STAG2: variants seen among roughly 807,000 people sequenced by gnomAD.
The protein encoded by STAG2 is STAG2 cohesin complex component.
STAG2 carries 14 observed loss-of-function variants against 108.1 expected under a neutral mutation model. The observed-to-expected ratio is 0.13, with a 90% CI of 0.09 to 0.20. The LOEUF is 0.20. Ranked by LOEUF, STAG2 falls within the 10% of genes least tolerant of loss-of-function variation. The pLI is 1.00. For missense variants in STAG2, 440 were observed against 940.9 expected (o/e 0.47, Z 6.96); for synonymous variants, 307 against 302.7 (o/e 1.01, Z -0.15).
chrX:123,995,021 T>C (rs919294556), intron 1 of STAG2, among the ~76,000 whole-genome samples: 4 of 111,936 alleles, frequency 3.6e-5, no homozygotes, highest in Non-Finnish European at 7.5e-5. Context: ...AAAAAACCTC[T>C]GCAAACTCCT....
intron 1 of STAG2, among the ~76,000 whole-genome samples, chrX:123,986,013 A>G (rs1187397722): frequency 1.9e-5 from 2 of 107,499 alleles, no homozygotes; most frequent in African/African-American, 6.8e-5. Flanking sequence ...AGGAGGAAGA[A>G]GCCTTGAAGA....
At chrX:124,066,756 C>T (rs1178022127) in intron 23 of STAG2, among the ~76,000 whole-genome samples, 1 of 111,575 alleles carries the variant, frequency 9.0e-6, no homozygotes, top group Non-Finnish European at 1.9e-5. Context: ...AAACCAACTC[C>T]CCCTAGATCT....
chrX:123,974,802 C>T (rs2054546667), intron 1 of STAG2, among the ~76,000 whole-genome samples: 1 of 109,667 alleles, frequency 9.1e-6, no homozygotes, highest in African/African-American at 3.3e-5. Context: ...TGGTCTCGAA[C>T]TCCTGATGTA....
At position 124,042,769 on chromosome X, in the gene STAG2, T is replaced by G. The variant is rs189785484; in HGVS notation, c.462+124T>G. 1.5e-3 allele frequency: 766 copies of G among 503,422 alleles called. 4 individuals carry two copies. In the African/African-American group the frequency reaches 0.015, roughly 10 times the overall value. The allele number at this position is 503,422 out of a possible 1,213,427, so 41.5% of individuals were successfully genotyped here. A position where few individuals can be genotyped will look rare whatever the true frequency, so the allele number is the denominator to read the frequency against. ...GGCTCATGCCTGTAATCCCACACTT[T>G]CAGAGGCCGAGGCAGGCGGATCACC... On this transcript the variant is annotated intron_variant, in intron 7 of 34. Coordinates refer to ENST00000371145, the MANE Select transcript of STAG2 (RefSeq NM_001042750.2).
intron 1 of STAG2, among the ~76,000 whole-genome samples, chrX:123,981,028 C>G (rs2054849928): frequency 9.0e-6 from 1 of 111,128 alleles, no homozygotes; most frequent in East Asian, 2.8e-4. Flanking sequence ...TTATAAAAAT[C>G]ACTTCATTTT....
chrX:124,016,557 A>G (rs955544021), intron 1 of STAG2, among the ~76,000 whole-genome samples: 1 of 111,979 alleles, frequency 8.9e-6, no homozygotes, highest in African/African-American at 3.2e-5. Context: ...TGGTTGGATG[A>G]ATTTTTAGTA....
Position 124,075,595 on chromosome X carries a change from G to GT in STAG2, c.2534-730dup, listed in dbSNP as rs375033763. Among the ~76,000 whole-genome samples, 33 of 110,738 alleles carry GT rather than the reference G, an allele frequency of 3.0e-4. 1 individual carries two copies. The highest frequency in any genetic ancestry group is 8.9e-4 in the African/African-American group (27 of 30,491). ...GGCCTGGGATAGTGGTTTTTGTTTT[G>GT]TTTTTTTACAAGTAATTTCATTTGT... is the stretch of plus-strand genomic sequence containing the variant. On this transcript the variant is annotated intron_variant, in intron 25 of 34. Coordinates refer to ENST00000371145, the MANE Select transcript of STAG2 (RefSeq NM_001042750.2).
At chrX:124,011,544 G>A (rs767139664) in intron 1 of STAG2, among the ~76,000 whole-genome samples, 4 of 111,493 alleles carry the variant, frequency 3.6e-5, no homozygotes, top group South Asian at 7.5e-4. Flanking sequence ...TAGAGATAGC[G>A]TCTTAGTCCA....
chrX:124,082,907 T>C (rs1374729632), intron 28 of STAG2, among the ~76,000 whole-genome samples: 3 of 111,502 alleles, frequency 2.7e-5, no homozygotes, highest in Non-Finnish European at 5.7e-5. Flanking sequence ...GATAGAGTTA[T>C]AATGTTGGGT....
At chrX:124,048,395 T>C (rs2057937712) in intron 9 of STAG2, among the ~76,000 whole-genome samples, 1 of 112,042 alleles carries the variant, frequency 8.9e-6, no homozygotes, top group Non-Finnish European at 1.9e-5. Context: ...ATATGCTATA[T>C]AGTAAGTGAT....
rs751877808 is a variant in STAG2, at chrX:124,030,212, T to G, written c.124-749T>G. ...TATTTGATAATGAGTTTGGTTATTC[T>G]TGCTGCCCACTTCAGTCTGCATCCA... On this transcript the variant is annotated intron_variant, in intron 4 of 34. Transcript: ENST00000371145. Among the ~76,000 whole-genome samples, 90 of 112,119 alleles carry G rather than the reference T, an allele frequency of 8.0e-4. No individual in the cohort carries two copies. In the Middle Eastern group the frequency reaches 0.019, roughly 23 times the overall value.
intron 1 of STAG2, among the ~76,000 whole-genome samples, chrX:123,965,267 C>T (rs2054045263): frequency 8.9e-6 from 1 of 111,893 alleles, no homozygotes; most frequent in Non-Finnish European, 1.9e-5. Context: ...ATTGTGGCAT[C>T]AGATTTATTT....
At chrX:123,992,049 G>C (rs561592202) in intron 1 of STAG2, among the ~76,000 whole-genome samples, 1 of 112,367 alleles carries the variant, frequency 8.9e-6, no homozygotes, top group Non-Finnish European at 1.9e-5. Flanking sequence ...GAGGATGTAC[G>C]TAGGTTAGAT....
intron 20 of STAG2, 122 bp from the exon 21 acceptor site, chrX:124,065,754 A>C: frequency 6.7e-6 from 3 of 447,313 alleles, no homozygotes. Flanking sequence ...CTAGGTATTG[A>C]ATGACAAAGT....
rs1443844104 is a variant in STAG2 at position 124,086,737 on chromosome X, C to T, written c.3244C>T (p.Arg1082Trp). Reference protein sequence around the residue: ...SKKSKPSTGKRKVVEGMQLSL... With the variant: ...SKKSKPSTGKWKVVEGMQLSL... ...AAAATCAAAACCATCTACAGGAAAA[C>T]GGAAAGTGGTTGAGGGCATGCAGCT... Residue 1082 changes from arginine (R) to tryptophan (W), a missense_variant, in exon 30 of 35, where the codon CGG (arginine) becomes TGG (tryptophan). Around this residue, in one of 3 missense-constraint regions of STAG2, gnomAD observed 337 missense variants for 649.3 expected, o/e 0.52. Transcript: ENST00000371145. 1.7e-6 allele frequency: 2 copies of T among 1,206,044 alleles called. No homozygotes were observed. Among genetic ancestry groups the T allele is most frequent in the Non-Finnish European group, 1.1e-6 (1 of 894,094 alleles).
chrX:124,019,417 A>C (rs1195539909), intron 1 of STAG2, among the ~76,000 whole-genome samples: 1 of 110,742 alleles, frequency 9.0e-6, no homozygotes, highest in Non-Finnish European at 1.9e-5. Context: ...AATAATAATC[A>C]CATTTCTTAA....
intron 9 of STAG2, among the ~76,000 whole-genome samples, chrX:124,048,220 A>G (rs1022721170): frequency 2.7e-5 from 3 of 111,872 alleles, no homozygotes; most frequent in African/African-American, 9.7e-5. Flanking sequence ...ATTAGTAGCT[A>G]ATTTTAAATT....
At chrX:124,068,758 A>G in intron 24 of STAG2, 102 bp downstream of exon 24, 1 of 515,756 alleles carries the variant, frequency 1.9e-6, no homozygotes, top group Non-Finnish European at 3.2e-6. Flanking sequence ...CAAAGCAGAA[A>G]TATCTTGTAT....
At chrX:123,972,891 A>AAAAAG in intron 1 of STAG2, among the ~76,000 whole-genome samples, 2 of 97,424 alleles carry the variant, frequency 2.1e-5, no homozygotes, top group Non-Finnish European at 4.1e-5. Context: ...AAAAAAAAAA[A>AAAAAG]GAACCGAATC....
Sources: gnomAD v4.1 joint callset for allele counts (sites outside exome capture counted in the v4.1 genomes callset) on GRCh38, gnomAD v4.1.1 for gene constraint, gnomAD v4.1.1 regional missense constraint, MANE v1.5 for transcripts, NCBI Gene and HGNC (gene_info 2026-07-23, HGNC 2026-07-21) for gene names.